The following LONRF3 variants were observed in gnomAD, a reference collection of about 807,000 sequenced individuals.
The protein encoded by LONRF3 is LON peptidase N-terminal domain and ring finger 3, also known as LON peptidase N-terminal domain and RING finger protein 3.
Under a neutral mutation model 51.7 loss-of-function variants are expected in LONRF3, and 19 were observed. The observed-to-expected ratio is 0.37, with a 90% CI of 0.26 to 0.54. The LOEUF (loss-of-function observed/expected upper bound fraction) is 0.54. Among genes scored for constraint, LONRF3 ranks in the 20% least tolerant of loss-of-function variants. LONRF3 has a pLI of 0.86. For synonymous variants in LONRF3, 265 were observed against 257.8 expected, an observed-to-expected ratio of 1.03 and a Z score of -0.27; for missense variants, 521 against 623.9, an observed-to-expected ratio of 0.84 and a Z score of 1.76.
rs910170645 is a variant in LONRF3 at position 118,987,681 on chromosome X, G to A, written c.1060-1727G>A. Among the ~76,000 whole-genome samples, 10 of 109,688 alleles carry A rather than the reference G, an allele frequency of 9.1e-5. No homozygotes were observed. The Admixed American group carries it at 9.7e-4, about 11-fold the overall frequency. On this transcript the variant is annotated intron_variant, in intron 3 of 10. Coordinates refer to ENST00000371628, the MANE Select transcript of LONRF3 (RefSeq NM_001031855.3). ...TTTGGGTGGGTTTATAGGCTTTGGG[G>A]ATGAGTCTGGGAAGAGGGCCTAACA...
chrX:118,995,787 C>A (rs1229413431), intron 5 of LONRF3, among the ~76,000 whole-genome samples: 1 of 111,951 alleles, frequency 8.9e-6, no homozygotes, highest in Non-Finnish European at 1.9e-5. Context: ...TAGCTTAAAT[C>A]AGGAAGGATG....
chrX:119,016,031 AC>A (rs1444932506), intron 10 of LONRF3, among the ~76,000 whole-genome samples: 1 of 112,190 alleles, frequency 8.9e-6, no homozygotes, highest in African/African-American at 3.2e-5. Context: ...TCAGGGAGGG[AC>A]AAAAAAGAAT....
At chrX:118,983,332 T>C (rs1413447156) in intron 3 of LONRF3, among the ~76,000 whole-genome samples, 2 of 111,840 alleles carry the variant, frequency 1.8e-5, no homozygotes, top group African/African-American at 6.5e-5. Flanking sequence ...ACATAACTTT[T>C]CTTTGGCTGA....
chrX:118,977,596 CA>C (rs1196212386), intron 1 of LONRF3, among the ~76,000 whole-genome samples: 1 of 112,358 alleles, frequency 8.9e-6, no homozygotes, highest in Non-Finnish European at 1.9e-5. Flanking sequence ...AGTGACTGCC[CA>C]GCTAGCCGTG....
In LONRF3 at chrX:119,018,297, C is replaced by G. The variant is rs764677780; in HGVS notation, c.*607C>G. On this transcript the variant is annotated 3_prime_UTR_variant, in exon 11 of 11. Transcript: ENST00000371628. ...ATGTACCTAGGGGGAAATAACAATA[C>G]TAGAAGTGTGCAGTTTTTGCTTTTA... 8.9e-6 allele frequency: 1 copy of G among 112,263 alleles called. No homozygotes were observed. Among genetic ancestry groups the G allele is most frequent in the South Asian group, 3.7e-4 (1 of 2,692 alleles). The allele number at this position is 112,263 out of a possible 1,213,427, so 9.3% of individuals were successfully genotyped here.
intron 2 of LONRF3, among the ~76,000 whole-genome samples, chrX:118,981,006 CA>C (rs756019799): frequency 8.9e-6 from 1 of 111,734 alleles, no homozygotes; most frequent in Admixed American, 9.5e-5. Context: ...GCCTATAATT[CA>C]AAACCACCTC....
At chrX:118,978,296 G>A in intron 1 of LONRF3, 49 bp from the exon 2 acceptor site, 1 of 843,186 alleles carries the variant, frequency 1.2e-6, no homozygotes. Context: ...CTTAACACCT[G>A]CTTGCGCTGG....
At chrX:118,976,897 T>A (rs1922115595) in intron 1 of LONRF3, 1 of 110,584 alleles carries the variant, frequency 9.0e-6, no homozygotes, top group Non-Finnish European at 1.9e-5. Context: ...GGAGGAGGGG[T>A]GTGGGCCGGA....
rs774250056 is a variant in LONRF3 at position 118,990,441 on chromosome X, G to T, written c.1325-29G>T. ...TATCTATGAAACCGGGGTGGCTCCA[G>T]CGCTGACTTCTTGCTTTCTAAATCG... On this transcript the variant is annotated intron_variant, in intron 4 of 10. Coordinates refer to ENST00000371628, the MANE Select transcript of LONRF3 (RefSeq NM_001031855.3). The T allele has an allele frequency of 1.3e-5, 15 of 1,140,605 alleles. No individual in the cohort carries two copies. In the South Asian group the frequency reaches 2.5e-4, roughly 19 times the overall value. The allele number at this position is 1,140,605 out of a possible 1,213,427, so 94.0% of individuals were successfully genotyped here. A position where few individuals can be genotyped will look rare whatever the true frequency, so the allele number is the denominator to read the frequency against.
At chrX:118,980,201 A>T (rs938213236) in intron 2 of LONRF3, among the ~76,000 whole-genome samples, 1 of 111,853 alleles carries the variant, frequency 8.9e-6, no homozygotes, top group Non-Finnish European at 1.9e-5. Flanking sequence ...GTTCAAGTCC[A>T]TGATCCCTTA....
chrX:118,974,722 C>T lies in LONRF3; in HGVS notation c.-59C>T. The stretch of plus-strand genomic sequence containing the variant: ...CTGCCCCGATTTCCTCCAGCTGCCA[C>T]TCCTTGCTTCGTGTCCCCGGTCCCT... On this transcript the variant is annotated 5_prime_UTR_variant, in exon 1 of 11. Transcript: ENST00000371628. 1 of 1,022,059 alleles carries T rather than the reference C, an allele frequency of 9.8e-7. No homozygotes were observed. The highest frequency in any genetic ancestry group is 1.3e-6 in the Non-Finnish European group (1 of 763,330). The allele number at this position is 1,022,059 out of a possible 1,213,427, so 84.2% of individuals were successfully genotyped here.
At chrX:119,013,008 C>T in intron 8 of LONRF3, 31 bp from the exon 9 acceptor site, 1 of 1,207,663 alleles carries the variant, frequency 8.3e-7, no homozygotes, top group Non-Finnish European at 1.1e-6. Flanking sequence ...CATCAAGGAT[C>T]TAGTCTCTCG....
rs1370133044 is a variant in LONRF3 at position 118,974,651 on chromosome X, C to A, written c.-130C>A. 4 of 552,647 alleles carry A rather than the reference C, an allele frequency of 7.2e-6. No individual in the cohort carries two copies. The highest frequency in any genetic ancestry group is 1.1e-5 in the Non-Finnish European group (4 of 349,060). 45.5% of individuals were successfully genotyped at this position (552,647 alleles called of 1,213,427 possible). On this transcript the variant is annotated 5_prime_UTR_variant, in exon 1 of 11. Transcript: ENST00000371628. ...GCGCGGGGCGGCCGGCATGGAGCTC[C>A]CGGAGGCGCGGCAGGGTCAGGAGCT...
At chrX:118,997,321 A>G (rs753905470) in intron 5 of LONRF3, among the ~76,000 whole-genome samples, 2 of 112,063 alleles carry the variant, frequency 1.8e-5, no homozygotes, top group African/African-American at 6.5e-5. Flanking sequence ...AAACCCAAAT[A>G]CTTACAGCCA....
At chrX:119,005,879 T>C (rs961354477) in intron 5 of LONRF3, among the ~76,000 whole-genome samples, 1 of 111,830 alleles carries the variant, frequency 8.9e-6, no homozygotes, top group Non-Finnish European at 1.9e-5. Flanking sequence ...CCAGAAGAGA[T>C]AGACTAGAAT....
intron 5 of LONRF3, among the ~76,000 whole-genome samples, chrX:119,001,321 C>T (rs1014511519): frequency 1.8e-5 from 2 of 111,610 alleles, no homozygotes; most frequent in Non-Finnish European, 3.8e-5. Flanking sequence ...CATTTGTTGC[C>T]GCATCATAGA....
At chrX:119,012,817 G>C in intron 8 of LONRF3, 3 of 919,746 alleles carry the variant, frequency 3.3e-6, no homozygotes, top group Non-Finnish European at 4.5e-6. Context: ...ACAGCACATA[G>C]TATGTGCTCA....
At chrX:119,000,836 T>A (rs1279447713) in intron 5 of LONRF3, among the ~76,000 whole-genome samples, 2 of 58,635 alleles carry the variant, frequency 3.4e-5, no homozygotes, top group African/African-American at 6.4e-5. Context: ...TCTCTCTCTC[T>A]CTCACTGTCA....
At chrX:118,996,400 G>A (rs975590155) in intron 5 of LONRF3, among the ~76,000 whole-genome samples, 2 of 110,690 alleles carry the variant, frequency 1.8e-5, no homozygotes, top group African/African-American at 3.3e-5. Context: ...TGATATGATC[G>A]TTTACCTTGA....
Sources: allele counts gnomAD v4.1 joint callset (sites outside exome capture counted in the v4.1 genomes callset), GRCh38; gene constraint gnomAD v4.1.1; transcripts MANE v1.5; gene names NCBI Gene and HGNC (gene_info 2026-07-23, HGNC 2026-07-21).